Variants in SLCO1A2 observed in about 807,000 individuals in gnomAD.
The protein encoded by SLCO1A2 is solute carrier organic anion transporter family member 1A2.
A neutral mutation model predicts 69.0 loss-of-function variants in SLCO1A2; 67 were observed. The ratio of observed to expected loss-of-function variants is 0.97; its 90% CI spans 0.80 to 1.19. The LOEUF (loss-of-function observed/expected upper bound fraction) is 1.19. Ranked by LOEUF, SLCO1A2 falls within the 50% of genes most tolerant of loss-of-function variation. SLCO1A2 has a pLI of 0.00. For synonymous variants in SLCO1A2, 260 were observed against 265.9 expected, an observed-to-expected ratio of 0.98 and a Z score of 0.22; for missense variants, 787 against 793.7, an observed-to-expected ratio of 0.99 and a Z score of 0.10.
intron 1 of SLCO1A2, among the ~76,000 whole-genome samples, chr12:21,402,081 A>T (rs528770654): frequency 3.3e-4 from 50 of 151,308 alleles, no homozygotes; most frequent in East Asian, 1.9e-3. Context: ...AAATGTAAAA[A>T]TTATGTGAAA....
Position 21,342,873 on chromosome 12 carries a change from T to C in SLCO1A2, c.-62-8164A>G, listed in dbSNP as rs544893724. On this transcript the variant is annotated intron_variant, in intron 2 of 15. Coordinates refer to the SLCO1A2 transcript ENST00000307378. ...AAGTATCAAAGATGATTCCTAGGTTTCTAGCTTGATAGTACCAGTACTTGC... is the reference window on the plus strand; with the variant it reads ...AAGTATCAAAGATGATTCCTAGGTTCCTAGCTTGATAGTACCAGTACTTGC... Among the ~76,000 whole-genome samples the C allele has an allele frequency of 2.8e-4, 43 of 152,198 alleles. No individual in the cohort carries two copies. In the Middle Eastern group the frequency reaches 0.01, roughly 36 times the overall value.
chr12:21,347,544 C>G (rs548563659), intron 2 of SLCO1A2, among the ~76,000 whole-genome samples: 9 of 152,140 alleles, frequency 5.9e-5, no homozygotes, highest in Admixed American at 4.6e-4. Context: ...TACTCAGAGG[C>G]TGAGACAGGA....
intron 12 of SLCO1A2, among the ~76,000 whole-genome samples, chr12:21,291,024 A>G (rs943009938): frequency 5.3e-5 from 8 of 152,220 alleles, no homozygotes; most frequent in African/African-American, 1.4e-4. Flanking sequence ...AATAAGCATC[A>G]TGAATAACTT....
chr12:21,407,495 T>G (rs542337865), intron 1 of SLCO1A2, among the ~76,000 whole-genome samples: 1 of 152,058 alleles, frequency 6.6e-6, no homozygotes, highest in Non-Finnish European at 1.5e-5. Context: ...TTGATCAAAT[T>G]TGTGTTTTCA....
intron 4 of SLCO1A2, among the ~76,000 whole-genome samples, chr12:21,309,334 T>TG (rs1233598716): frequency 1.3e-5 from 2 of 152,166 alleles, no homozygotes; most frequent in Non-Finnish European, 2.9e-5. Context: ...ATGTCCAGAT[T>TG]GAAGGCTCCT....
At chr12:21,392,203 T>C (rs1941192971) in intron 1 of SLCO1A2, among the ~76,000 whole-genome samples, 1 of 152,150 alleles carries the variant, frequency 6.6e-6, no homozygotes, top group African/African-American at 2.4e-5. Flanking sequence ...CCCTGCAACT[T>C]TAGATATTCA....
intron 6 of SLCO1A2, among the ~76,000 whole-genome samples, chr12:21,301,803 C>T (rs948545835): frequency 6.6e-6 from 1 of 152,122 alleles, no homozygotes; most frequent in Non-Finnish European, 1.5e-5. Context: ...GTTTTATTTT[C>T]CATGTCCATC....
intron 14 of SLCO1A2, among the ~76,000 whole-genome samples, chr12:21,270,449 T>A (rs1227712428): frequency 1.3e-5 from 2 of 151,772 alleles, no homozygotes; most frequent in African/African-American, 4.8e-5. Flanking sequence ...CCTACAAATT[T>A]TTTTCTTGTA....
chr12:21,276,485 T>C (rs980917742), intron 12 of SLCO1A2, among the ~76,000 whole-genome samples: 6 of 146,018 alleles, frequency 4.1e-5, no homozygotes, highest in African/African-American at 1.6e-4. Flanking sequence ...AGGAGCTAAA[T>C]AGAAGTCTCC....
upstream of SLCO1A2, among the ~76,000 whole-genome samples, chr12:21,336,939 T>C (rs1310309691): frequency 6.6e-6 from 1 of 152,042 alleles, no homozygotes; most frequent in African/African-American, 2.4e-5. Flanking sequence ...TCATGTTATT[T>C]CCCTAACTCT....
At chr12:21,416,885 C>T (rs1449747270) in intron 1 of SLCO1A2, among the ~76,000 whole-genome samples, 1 of 152,068 alleles carries the variant, frequency 6.6e-6, no homozygotes, top group African/African-American at 2.4e-5. Context: ...TGGGGAGCAA[C>T]AGTTTAATTG....
intron 2 of SLCO1A2, among the ~76,000 whole-genome samples, chr12:21,363,565 T>C (rs977708360): frequency 1.3e-5 from 2 of 151,960 alleles, no homozygotes; most frequent in East Asian, 1.9e-4. Flanking sequence ...CTGAAGTAGA[T>C]AGAGACACAA....
At chr12:21,271,017 G>T (rs7980842) in intron 14 of SLCO1A2, among the ~76,000 whole-genome samples, 11,048 of 151,398 alleles carry the variant, frequency 0.073, 890 homozygotes, top group East Asian at 0.35. Context: ...TTATGAAACA[G>T]TACTAGGATT....
At chr12:21,287,197 A>G (rs369550351) in intron 12 of SLCO1A2, among the ~76,000 whole-genome samples, 2,196 of 123,664 alleles carry the variant, frequency 0.018, 16 homozygotes, top group East Asian at 0.14. Context: ...AAAAGTGGGC[A>G]AAGGACATGA....
chr12:21,292,351 CATATT>C lies in SLCO1A2; in HGVS notation c.1438-20_1438-16del, dbSNP rs1342419473. On this transcript the variant is annotated splice_polypyrimidine_tract_variant and intron_variant, in intron 11 of 14. Coordinates refer to ENST00000683939, the MANE Select transcript of SLCO1A2 (RefSeq NM_001386879.1). ...TTTTGGAACACCTGCCAAAAAATAACATATTATACTAAGAAGTAAAAATCTTGAAC... is the reference window on the plus strand; with the variant it reads ...TTTTGGAACACCTGCCAAAAAATAACATACTAAGAAGTAAAAATCTTGAAC... The C allele has an allele frequency of 6.3e-7, 1 of 1,597,854 alleles. No individual in the cohort carries two copies.
chr12:21,392,959 T>A (rs959840807), intron 1 of SLCO1A2, among the ~76,000 whole-genome samples: 3 of 152,166 alleles, frequency 2.0e-5, no homozygotes, highest in African/African-American at 7.2e-5. Flanking sequence ...TTCCAAATGT[T>A]ACAAAAGGAA....
At chr12:21,400,585 T>A (rs1347451358) in intron 1 of SLCO1A2, among the ~76,000 whole-genome samples, 1 of 151,956 alleles carries the variant, frequency 6.6e-6, no homozygotes, top group Non-Finnish European at 1.5e-5. Context: ...CATGTATGTT[T>A]ATTGCGGCTC....
At position 21,302,974 on chromosome 12, in the gene SLCO1A2, G is replaced by A. The variant is rs371676266; in HGVS notation, c.589+1453C>T. On this transcript the variant is annotated intron_variant, in intron 6 of 14. Coordinates refer to ENST00000683939, the MANE Select transcript of SLCO1A2 (RefSeq NM_001386879.1). ...CCCAAAGTGCTGGGATTACAGGCAT[G>A]AGCCACCACACCTGGTCAATTTTCC... Among the ~76,000 whole-genome samples the A allele has an allele frequency of 1.5e-3, 224 of 150,702 alleles. 7 individuals are homozygous for A. The South Asian group carries it at 0.046, about 31-fold the overall frequency.
chr12:21,346,756 A>G (rs1953264016), intron 2 of SLCO1A2, among the ~76,000 whole-genome samples: 1 of 152,188 alleles, frequency 6.6e-6, no homozygotes. Flanking sequence ...CTACTCCCCC[A>G]TAAAAGTAAC....
Sources: allele counts gnomAD v4.1 joint callset (sites outside exome capture counted in the v4.1 genomes callset), GRCh38; gene constraint gnomAD v4.1.1; transcripts MANE v1.5; gene names NCBI Gene and HGNC (gene_info 2026-07-23, HGNC 2026-07-21).